MARCHF3: variants seen among roughly 807,000 people sequenced by gnomAD.
MARCHF3 encodes the protein E3 ubiquitin-protein ligase MARCHF3.
MARCHF3 carries 13 observed loss-of-function variants against 24.2 expected under a neutral mutation model. The observed-to-expected ratio is 0.54, with a 90% CI of 0.35 to 0.85. MARCHF3 has a LOEUF of 0.85. Ranked by LOEUF, MARCHF3 falls within the 40% of genes least tolerant of loss-of-function variation. The pLI, the probability that MARCHF3 is intolerant of heterozygous loss-of-function variation, is 0.01. For missense variants in MARCHF3, 276 were observed against 325.0 expected (o/e 0.85, Z 1.16); for synonymous variants, 144 against 137.3 (o/e 1.05, Z -0.34).
At chr5:126,906,571 T>A (rs1287450003) in intron 3 of MARCHF3, among the ~76,000 whole-genome samples, 1 of 152,250 alleles carries the variant, frequency 6.6e-6, no homozygotes, top group African/African-American at 2.4e-5. Context: ...CAGGAATTTA[T>A]CAATTTCTTC....
At chr5:127,016,317 G>A (rs1007221355) in intron 1 of MARCHF3, among the ~76,000 whole-genome samples, 1 of 152,036 alleles carries the variant, frequency 6.6e-6, no homozygotes, top group African/African-American at 2.4e-5. Context: ...AAATGAATTT[G>A]TACTGCACAA....
chr5:126,903,498 C>T (rs1312778672), intron 3 of MARCHF3, among the ~76,000 whole-genome samples: 1 of 152,012 alleles, frequency 6.6e-6, no homozygotes, highest in African/African-American at 2.4e-5. Flanking sequence ...CTTCTTGAAT[C>T]ACTTTATATT....
chr5:126,896,073 C>G (rs994134653), intron 3 of MARCHF3, among the ~76,000 whole-genome samples: 1 of 152,106 alleles, frequency 6.6e-6, no homozygotes, highest in South Asian at 2.1e-4. Context: ...CCCGATTTTC[C>G]AGGTGCCGTC....
intron 3 of MARCHF3, among the ~76,000 whole-genome samples, chr5:126,907,360 T>A (rs1201751203): frequency 7.7e-6 from 1 of 130,404 alleles, no homozygotes; most frequent in Non-Finnish European, 1.6e-5. Context: ...TGAGTTCAAT[T>A]CCTGGGTATC....
At chr5:127,008,376 C>T (rs559442675) in intron 1 of MARCHF3, among the ~76,000 whole-genome samples, 3 of 152,278 alleles carry the variant, frequency 2.0e-5, no homozygotes, top group South Asian at 2.1e-4. Context: ...CACTGAGAGA[C>T]GAATCAAGTG....
chr5:126,875,376 G>A (rs1182115589), intron 4 of MARCHF3, among the ~76,000 whole-genome samples: 2 of 152,330 alleles, frequency 1.3e-5, no homozygotes, highest in Non-Finnish European at 2.9e-5. Flanking sequence ...GGCGTGCAGC[G>A]TGAGCGCTTG....
At position 126,896,510 on chromosome 5, in the gene MARCHF3, C is replaced by G. The variant is rs192611967; in HGVS notation, c.394-18116G>C. ...ATATACATTTTTAGCTTGAGTGATC[C>G]TGAGACATGCAACCCCTAGGTGTCC... On this transcript the variant is annotated intron_variant, in intron 3 of 4. Coordinates refer to ENST00000308660, the MANE Select transcript of MARCHF3 (RefSeq NM_178450.5). Among the ~76,000 whole-genome samples the G allele has an allele frequency of 1.2e-3, 176 of 152,188 alleles. 2 individuals carry two copies. The highest frequency in any genetic ancestry group is 4.1e-3 in the African/African-American group (172 of 41,506).
rs531177315 is a variant in MARCHF3, at chr5:126,935,594, T to A, written c.-56-17367A>T. Reference sequence around the variant, plus strand: ...AGCCAATCTAAAAAGTACGAATGTATATATGGCTTTTTTTTTTTTTTTTTT... The same window carrying A: ...AGCCAATCTAAAAAGTACGAATGTAAATATGGCTTTTTTTTTTTTTTTTTT... On this transcript the variant is annotated intron_variant, in intron 1 of 4. Coordinates refer to ENST00000308660, the MANE Select transcript of MARCHF3 (RefSeq NM_178450.5). Among the ~76,000 whole-genome samples the A allele has an allele frequency of 4.1e-5, 6 of 147,548 alleles. 1 individual carries two copies. In the South Asian group the frequency reaches 1.3e-3, roughly 32 times the overall value.
intron 1 of MARCHF3, among the ~76,000 whole-genome samples, chr5:126,985,771 G>A (rs1361309363): frequency 1.3e-5 from 2 of 152,126 alleles, no homozygotes; most frequent in African/African-American, 4.8e-5. Context: ...CACTGCGCCC[G>A]GCCTACCTGG....
At chr5:126,978,106 G>T (rs545813776) in intron 1 of MARCHF3, among the ~76,000 whole-genome samples, 1 of 152,208 alleles carries the variant, frequency 6.6e-6, no homozygotes, top group Non-Finnish European at 1.5e-5. Flanking sequence ...GTTGAGTATT[G>T]TATGTTGGGA....
intron 1 of MARCHF3, among the ~76,000 whole-genome samples, chr5:126,927,621 T>C (rs1210361634): frequency 6.6e-6 from 1 of 152,158 alleles, no homozygotes; most frequent in Non-Finnish European, 1.5e-5. Flanking sequence ...GCTGGCTCCA[T>C]CTGGACTTTT....
chr5:127,013,587 G>A (rs971440379), intron 1 of MARCHF3, among the ~76,000 whole-genome samples: 3 of 152,132 alleles, frequency 2.0e-5, no homozygotes, highest in Non-Finnish European at 4.4e-5. Context: ...ATCCGTAAGA[G>A]GGAAGTACGA....
intron 1 of MARCHF3, among the ~76,000 whole-genome samples, chr5:126,919,505 C>G (rs1201988702): frequency 2.0e-5 from 3 of 152,134 alleles, no homozygotes; most frequent in African/African-American, 7.2e-5. Context: ...CAAGAGGATT[C>G]CTGGAATTCT....
At chr5:127,006,124 A>C (rs987246552) in intron 1 of MARCHF3, among the ~76,000 whole-genome samples, 3 of 150,288 alleles carry the variant, frequency 2.0e-5, no homozygotes, top group African/African-American at 7.4e-5. Flanking sequence ...AATCACTTGA[A>C]CCTGCAAGGC....
At chr5:126,954,199 A>ATTTTTTTTT (rs750262766) in intron 1 of MARCHF3, among the ~76,000 whole-genome samples, 144 of 114,048 alleles carry the variant, frequency 1.3e-3, no homozygotes, top group Non-Finnish European at 1.6e-3. Flanking sequence ...CGCCCGGCTA[A>ATTTTTTTTT]TTTTTTTTTT....
intron 1 of MARCHF3, among the ~76,000 whole-genome samples, chr5:126,979,886 T>G (rs1001062476): frequency 7.2e-6 from 1 of 139,020 alleles, no homozygotes; most frequent in Non-Finnish European, 1.5e-5. Context: ...AGGTGGAGGT[T>G]GAGGTGAGCC....
chr5:126,987,856 C>T (rs960576092), intron 1 of MARCHF3, among the ~76,000 whole-genome samples: 23 of 152,136 alleles, frequency 1.5e-4, no homozygotes, highest in Non-Finnish European at 2.9e-4. Flanking sequence ...GGTCCATGCA[C>T]TGCACTAGAA....
rs139976637 is a variant in MARCHF3 at position 126,877,919 on chromosome 5, C to T, written c.603+266G>A. On this transcript the variant is annotated intron_variant, in intron 4 of 4. Transcript: ENST00000308660. The stretch of plus-strand genomic sequence containing the variant: ...TAGACTACTAGAGGAGAGAAACGTC[C>T]ATGGTGTGTCTGTGTCTTTGACTGA... Among the ~76,000 whole-genome samples the T allele has an allele frequency of 2.6e-5, 4 of 152,288 alleles. No homozygotes were observed. The East Asian group carries it at 7.7e-4, about 29-fold the overall frequency.
intron 4 of MARCHF3, among the ~76,000 whole-genome samples, chr5:126,875,458 G>A (rs1353936225): frequency 1.3e-5 from 2 of 152,234 alleles, no homozygotes; most frequent in African/African-American, 2.4e-5. Flanking sequence ...GACTGACACC[G>A]TGTTTGTTTA....
Sources: allele counts gnomAD v4.1 joint callset (sites outside exome capture counted in the v4.1 genomes callset), GRCh38; gene constraint gnomAD v4.1.1; transcripts MANE v1.5; gene names NCBI Gene and HGNC (gene_info 2026-07-23, HGNC 2026-07-21).